The following FGF13 variants were observed in gnomAD, a reference collection of about 807,000 sequenced individuals.
FGF13 encodes the protein fibroblast growth factor homologous factor 2.
In FGF13, 2 loss-of-function variants were observed where a neutral mutation model predicts 19.5. That is an observed-to-expected ratio of 0.10 (90% confidence interval 0.04 to 0.32). FGF13 has a LOEUF of 0.32. Ranked by LOEUF, FGF13 falls within the 10% of genes least tolerant of loss-of-function variation. The pLI is 1.00. For synonymous variants in FGF13, 72 were observed against 76.9 expected, an observed-to-expected ratio of 0.94 and a Z score of 0.33; for missense variants, 113 against 192.7, an observed-to-expected ratio of 0.59 and a Z score of 2.45.
chrX:138,807,419 G>T (rs966336946), intron 3 of FGF13, among the ~76,000 whole-genome samples: 4 of 110,967 alleles, frequency 3.6e-5, no homozygotes, highest in South Asian at 7.7e-4. Flanking sequence ...CACCAGGCCT[G>T]CCCTACAAGA....
intron 1 of FGF13, among the ~76,000 whole-genome samples, chrX:139,065,820 A>T (rs1437694666): frequency 9.0e-6 from 1 of 111,501 alleles, no homozygotes; most frequent in East Asian, 2.8e-4. Flanking sequence ...AACCAAGCAG[A>T]CCTAACAGAC....
rs745510914 is a variant in FGF13 at position 138,615,610 on chromosome X, A to G, written c.*17240T>C. ...TTCAGATGTATTATTTTCTGGTACC[A>G]TAGATAAAGAATAAGGATAATGCAA... On this transcript the variant is annotated 3_prime_UTR_variant, in exon 5 of 5. Transcript: ENST00000315930. 1.8e-5 allele frequency: 2 copies of G among 111,782 alleles called. No individual in the cohort carries two copies. The highest frequency in any genetic ancestry group is 3.2e-5 in the African/African-American group (1 of 30,782). 9.2% of individuals were successfully genotyped at this position (111,782 alleles called of 1,213,427 possible).
chrX:139,025,743 G>T (rs958315150), intron 1 of FGF13, among the ~76,000 whole-genome samples: 1 of 110,930 alleles, frequency 9.0e-6, no homozygotes, highest in Non-Finnish European at 1.9e-5. Flanking sequence ...GGAAGGACTG[G>T]ACTATTCACT....
chrX:138,758,083 G>A (rs1273090477), intron 3 of FGF13, among the ~76,000 whole-genome samples: 2 of 111,594 alleles, frequency 1.8e-5, no homozygotes, highest in African/African-American at 6.5e-5. Context: ...GAATAAGGAA[G>A]CTGTGTCTGC....
chrX:139,081,665 T>G (rs1397521340), intron 1 of FGF13, among the ~76,000 whole-genome samples: 1 of 111,602 alleles, frequency 9.0e-6, no homozygotes, highest in Non-Finnish European at 1.9e-5. Context: ...TTTCTCCAAC[T>G]CAGTAAGTAA....
intron 1 of FGF13, among the ~76,000 whole-genome samples, chrX:138,721,295 G>A (rs550746492): frequency 9.0e-6 from 1 of 111,658 alleles, no homozygotes; most frequent in East Asian, 2.8e-4. Context: ...TCCAAGCCAG[G>A]TAATGCCAGT....
At chrX:139,004,436 G>A (rs1460706821) in intron 1 of FGF13, among the ~76,000 whole-genome samples, 1 of 112,634 alleles carries the variant, frequency 8.9e-6, no homozygotes, top group Non-Finnish European at 1.9e-5. Context: ...AGCTGAGGGA[G>A]TGGGCTCCAG....
chrX:138,687,750 A>G (rs2089797566), intron 3 of FGF13, among the ~76,000 whole-genome samples: 1 of 111,849 alleles, frequency 8.9e-6, no homozygotes, highest in Admixed American at 9.5e-5. Flanking sequence ...GAATCAACCT[A>G]AGTGTCCATC....
chrX:138,754,456 G>T (rs898017647), intron 3 of FGF13, among the ~76,000 whole-genome samples: 3 of 110,896 alleles, frequency 2.7e-5, no homozygotes, highest in Non-Finnish European at 5.7e-5. Flanking sequence ...AGTAAGTCAG[G>T]CTCTCTCTCC....
intron 1 of FGF13, among the ~76,000 whole-genome samples, chrX:139,070,903 C>T (rs1187872341): frequency 4.5e-5 from 5 of 110,904 alleles, no homozygotes; most frequent in Non-Finnish European, 7.5e-5. Flanking sequence ...AACCAAACAC[C>T]ACATGTTCTC....
chrX:139,180,622 A>G (rs1378621852), intron 1 of FGF13, among the ~76,000 whole-genome samples: 2 of 111,709 alleles, frequency 1.8e-5, no homozygotes, highest in Admixed American at 1.9e-4. Flanking sequence ...GCTACCTTAT[A>G]TGCCTCAGTA....
chrX:139,055,403 T>G (rs961551519), intron 1 of FGF13, among the ~76,000 whole-genome samples: 2 of 112,632 alleles, frequency 1.8e-5, no homozygotes, highest in Non-Finnish European at 3.7e-5. Flanking sequence ...CTTCAGAATC[T>G]TGAATCTACT....
intron 1 of FGF13, among the ~76,000 whole-genome samples, chrX:138,911,745 C>T (rs914406828): frequency 3.6e-5 from 4 of 112,052 alleles, no homozygotes. Context: ...GTATCACAGG[C>T]AGCTAATAAT....
intron 1 of FGF13, among the ~76,000 whole-genome samples, chrX:139,089,672 T>C (rs1202431112): frequency 1.8e-5 from 2 of 112,132 alleles, no homozygotes; most frequent in Admixed American, 1.9e-4. Flanking sequence ...TCAATTTCTC[T>C]ATGGTTTGCT....
chrX:138,674,975 C>T (rs1284268445), intron 3 of FGF13, among the ~76,000 whole-genome samples: 1 of 111,289 alleles, frequency 9.0e-6, no homozygotes, highest in African/African-American at 3.3e-5. Context: ...AGGAAAGGCT[C>T]CCAAAGAGTT....
chrX:139,155,058 C>A (rs1043290861), intron 1 of FGF13, among the ~76,000 whole-genome samples: 1 of 111,560 alleles, frequency 9.0e-6, no homozygotes, highest in Non-Finnish European at 1.9e-5. Flanking sequence ...GATGGAGAAT[C>A]TCAAACCATG....
intron 3 of FGF13, among the ~76,000 whole-genome samples, chrX:138,836,010 C>A (rs1324136093): frequency 9.0e-6 from 1 of 111,019 alleles, no homozygotes; most frequent in Non-Finnish European, 1.9e-5. Context: ...GAATATTGGC[C>A]CCCAATGTCT....
chrX:138,732,595 T>C (rs777863203), intron 1 of FGF13, among the ~76,000 whole-genome samples: 25 of 111,177 alleles, frequency 2.2e-4, no homozygotes, highest in Admixed American at 2.0e-3. Context: ...GGCAGAGAAA[T>C]GTTGACTAGG....
chrX:139,054,524 T>C (rs1293113731), intron 1 of FGF13, among the ~76,000 whole-genome samples: 11 of 111,717 alleles, frequency 9.8e-5, no homozygotes, highest in Non-Finnish European at 1.9e-4. Context: ...AGATTTGTTC[T>C]ATTTGCTTAG....
Sources: allele counts gnomAD v4.1 joint callset (sites outside exome capture counted in the v4.1 genomes callset), GRCh38; gene constraint gnomAD v4.1.1; transcripts MANE v1.5; gene names NCBI Gene and HGNC (gene_info 2026-07-23, HGNC 2026-07-21).